Variants in REDIC1 observed in about 807,000 individuals in gnomAD.
REDIC1 encodes the protein regulator of DNA class I crossover intermediates 1, also known as HEI10 Interacting Protein 1.
At chr12:39,656,002 A>C in the REDIC1 span, among the ~76,000 whole-genome samples, 1 of 151,892 alleles carries the variant, frequency 6.6e-6, no homozygotes, top group East Asian at 1.9e-4. Context: ...TCTTTTTCTA[A>C]TGTTAAACCA....
the REDIC1 span, among the ~76,000 whole-genome samples, chr12:39,804,934 A>G: frequency 7.4e-6 from 1 of 135,422 alleles, no homozygotes; most frequent in South Asian, 2.6e-4. Context: ...GAGAAAGAAA[A>G]CACTCTGCAG....
the REDIC1 span, among the ~76,000 whole-genome samples, chr12:39,713,753 G>A: frequency 6.7e-6 from 1 of 148,184 alleles, no homozygotes; most frequent in Non-Finnish European, 1.5e-5. Context: ...ATATATACAT[G>A]TATACACGTA....
At chr12:39,901,667 G>A in the REDIC1 span, among the ~76,000 whole-genome samples, 1 of 128,300 alleles carries the variant, frequency 7.8e-6, no homozygotes, top group East Asian at 2.3e-4. Context: ...AGTTAGAATG[G>A]CAATCATTAA....
At chr12:39,872,055 T>C in the REDIC1 span, 1 of 1,095,304 alleles carries the variant, frequency 9.1e-7, no homozygotes, top group Non-Finnish European at 1.2e-6. Flanking sequence ...TTGAAAAAAA[T>C]ATAAGGAGAA....
the REDIC1 span, among the ~76,000 whole-genome samples, chr12:39,772,599 A>G: frequency 6.6e-6 from 1 of 152,176 alleles, no homozygotes; most frequent in Non-Finnish European, 1.5e-5. Flanking sequence ...GAAAATAGGA[A>G]AGGAAAGAAA....
At chr12:39,675,010 G>T in the REDIC1 span, among the ~76,000 whole-genome samples, 25 of 152,302 alleles carry the variant, frequency 1.6e-4, no homozygotes, top group South Asian at 4.8e-3. Context: ...TGCTTTCTTA[G>T]TGGGGAGGCT....
the REDIC1 span, among the ~76,000 whole-genome samples, chr12:39,896,498 A>G: frequency 1.0e-4 from 15 of 147,566 alleles, no homozygotes; most frequent in South Asian, 2.1e-4. Context: ...ATGTACACAT[A>G]TATGTATGTA....
At chr12:39,669,872 G>A in the REDIC1 span, among the ~76,000 whole-genome samples, 1 of 152,118 alleles carries the variant, frequency 6.6e-6, no homozygotes, top group Admixed American at 6.5e-5. Flanking sequence ...ATAATTTCCT[G>A]TTGTGCTGTT....
At chr12:39,813,367 G>A in the REDIC1 span, among the ~76,000 whole-genome samples, 1 of 151,898 alleles carries the variant, frequency 6.6e-6, no homozygotes, top group Non-Finnish European at 1.5e-5. Context: ...TTAACCGGAT[G>A]TACCCATAAC....
the REDIC1 span, among the ~76,000 whole-genome samples, chr12:39,699,410 C>G: frequency 1.3e-5 from 2 of 152,236 alleles, no homozygotes; most frequent in Non-Finnish European, 2.9e-5. Context: ...AAAAATGGCA[C>G]ACCAGGAGAT....
the REDIC1 span, among the ~76,000 whole-genome samples, chr12:39,904,739 G>T: frequency 6.6e-6 from 1 of 152,064 alleles, no homozygotes; most frequent in Non-Finnish European, 1.5e-5. Flanking sequence ...CAAGCCACAG[G>T]GGAACTAGAA....
the REDIC1 span, chr12:39,872,016 T>A: frequency 7.1e-7 from 1 of 1,404,126 alleles, no homozygotes; most frequent in South Asian, 1.8e-5. Flanking sequence ...AGAAACAGGG[T>A]TATTTTGATA....
At chr12:39,643,238 G>T in the REDIC1 span, among the ~76,000 whole-genome samples, 1 of 151,614 alleles carries the variant, frequency 6.6e-6, no homozygotes, top group South Asian at 2.1e-4. Flanking sequence ...ACTGGATAAA[G>T]TGATAATTAT....
chr12:39,842,530 C>A, the REDIC1 span, among the ~76,000 whole-genome samples: 1 of 151,974 alleles, frequency 6.6e-6, no homozygotes, highest in Non-Finnish European at 1.5e-5. Flanking sequence ...CAGTAGGAGG[C>A]AATGGTTACA....
the REDIC1 span, among the ~76,000 whole-genome samples, chr12:39,726,317 C>T: frequency 2.4e-4 from 36 of 152,096 alleles, no homozygotes; most frequent in African/African-American, 8.7e-4. Context: ...CCCCTAGCCC[C>T]CCACACCCCA....
chr12:39,835,958 C>A, the REDIC1 span, among the ~76,000 whole-genome samples: 1 of 152,028 alleles, frequency 6.6e-6, no homozygotes, highest in Non-Finnish European at 1.5e-5. Context: ...GTGGTGAAAG[C>A]CACAAATATT....
chr12:39,879,264 T>C, the REDIC1 span, among the ~76,000 whole-genome samples: 1 of 152,174 alleles, frequency 6.6e-6, no homozygotes, highest in African/African-American at 2.4e-5. Context: ...AAATGTGGGG[T>C]TGAGCCCTCA....
chr12:39,760,829 G>T, the REDIC1 span, among the ~76,000 whole-genome samples: 26 of 151,962 alleles, frequency 1.7e-4, no homozygotes, highest in African/African-American at 5.8e-4. Context: ...ATGATAGCAA[G>T]CCTAGATGGA....
chr12:39,770,809 C>A, the REDIC1 span, among the ~76,000 whole-genome samples: 1 of 152,136 alleles, frequency 6.6e-6, no homozygotes, highest in Non-Finnish European at 1.5e-5. Context: ...TTATCCACTT[C>A]TCTTAGGTCC....
Sources: gnomAD v4.1 joint callset for allele counts (sites outside exome capture counted in the v4.1 genomes callset) on GRCh38, gnomAD v4.1.1 for gene constraint, MANE v1.5 for transcripts, NCBI Gene and HGNC (gene_info 2026-07-23, HGNC 2026-07-21) for gene names.